ROR1: variants seen among roughly 807,000 people sequenced by gnomAD.
ROR1 encodes inactive tyrosine-protein kinase transmembrane receptor ROR1.
Under a neutral mutation model 78.8 loss-of-function variants are expected in ROR1, and 19 were observed. The ratio of observed to expected loss-of-function variants is 0.24; its 90% CI spans 0.17 to 0.35. The LOEUF (loss-of-function observed/expected upper bound fraction) is 0.35. Among genes scored for constraint, ROR1 ranks in the 10% least tolerant of loss-of-function variants. The pLI, the probability that ROR1 is intolerant of heterozygous loss-of-function variation, is 1.00. For missense variants in ROR1, 917 were observed against 1,177.8 expected (o/e 0.78, Z 3.24); for synonymous variants, 386 against 433.6 (o/e 0.89, Z 1.36).
intron 1 of ROR1, among the ~76,000 whole-genome samples, chr1:63,862,411 A>AAG (rs1335345272): frequency 6.6e-6 from 1 of 151,742 alleles, no homozygotes; most frequent in African/African-American, 2.4e-5. Context: ...AAAAAAAAAA[A>AAG]AAAGAAATAC....
chr1:63,822,862 A>G (rs1644931199), intron 1 of ROR1, among the ~76,000 whole-genome samples: 1 of 152,322 alleles, frequency 6.6e-6, no homozygotes, highest in Non-Finnish European at 1.5e-5. Flanking sequence ...TTTCTTGGCA[A>G]TAACCCTTTG....
At chr1:63,987,356 T>C (rs1394075995) in intron 1 of ROR1, among the ~76,000 whole-genome samples, 3 of 152,188 alleles carry the variant, frequency 2.0e-5, no homozygotes, top group Non-Finnish European at 2.9e-5. Flanking sequence ...TAAACAGCAA[T>C]TGTCTTTAAC....
rs190397455 is a variant in ROR1, at chr1:63,953,714, G to A, written c.92-55591G>A. ...CTGTAGGCAGAAAGTTGTTACTGTG[G>A]CAGCACAGATTTCCCACAGTAAGGG... On this transcript the variant is annotated intron_variant, in intron 1 of 8. Transcript: ENST00000371079. 2.0e-5 allele frequency among the ~76,000 whole-genome samples: 3 copies of A among 152,310 alleles called. No individual in the cohort carries two copies. The East Asian group carries it at 5.8e-4, about 29-fold the overall frequency.
chr1:63,979,614 G>A (rs966754928), intron 1 of ROR1, among the ~76,000 whole-genome samples: 1 of 152,102 alleles, frequency 6.6e-6, no homozygotes, highest in African/African-American at 2.4e-5. Flanking sequence ...GTCTTCTTTG[G>A]GTGTCCCTCA....
chr1:63,958,443 G>A (rs1259677158), intron 1 of ROR1, among the ~76,000 whole-genome samples: 1 of 152,116 alleles, frequency 6.6e-6, no homozygotes, highest in African/African-American at 2.4e-5. Flanking sequence ...TTCCCCAGGT[G>A]CATATGTCTT....
chr1:64,013,397 TTA>T (rs1441256382), intron 2 of ROR1, among the ~76,000 whole-genome samples: 1 of 152,166 alleles, frequency 6.6e-6, no homozygotes, highest in African/African-American at 2.4e-5. Flanking sequence ...CTGACTCTTC[TTA>T]TCTTACCTCC....
intron 4 of ROR1, among the ~76,000 whole-genome samples, chr1:64,134,773 G>T: frequency 6.9e-6 from 1 of 145,826 alleles, no homozygotes; most frequent in African/African-American, 2.6e-5. Flanking sequence ...TTTTGAGATG[G>T]AGTCTCACTC....
chr1:64,051,314 G>A (rs1029709085), intron 4 of ROR1, among the ~76,000 whole-genome samples: 1 of 151,750 alleles, frequency 6.6e-6, no homozygotes, highest in Non-Finnish European at 1.5e-5. Context: ...GCCGTGCGTC[G>A]TGGTGGGCGC....
intron 2 of ROR1, among the ~76,000 whole-genome samples, chr1:64,037,151 G>A (rs1646708986): frequency 6.6e-6 from 1 of 152,092 alleles, no homozygotes; most frequent in Non-Finnish European, 1.5e-5. Context: ...GTTCTCAGAG[G>A]TCCTGCCACA....
At chr1:64,014,738 C>CTATATAT (rs1456430703) in intron 2 of ROR1, among the ~76,000 whole-genome samples, 2 of 9,072 alleles carry the variant, frequency 2.2e-4, no homozygotes, top group African/African-American at 2.6e-4. Flanking sequence ...CACATACGCA[C>CTATATAT]ACTATATATA....
intron 2 of ROR1, among the ~76,000 whole-genome samples, chr1:64,043,567 G>A (rs1646761170): frequency 6.6e-6 from 1 of 152,176 alleles, no homozygotes; most frequent in African/African-American, 2.4e-5. Context: ...AACTAGTGGT[G>A]ATTTAGTTGT....
intron 4 of ROR1, among the ~76,000 whole-genome samples, chr1:64,080,072 T>C (rs1024074146): frequency 6.6e-6 from 1 of 152,288 alleles, no homozygotes; most frequent in Admixed American, 6.5e-5. Flanking sequence ...TTACCTGATT[T>C]GGAGTCCTCT....
intron 1 of ROR1, among the ~76,000 whole-genome samples, chr1:63,776,459 G>T (rs1055527541): frequency 5.3e-5 from 8 of 152,204 alleles, no homozygotes; most frequent in African/African-American, 1.9e-4. Context: ...GGGGGTCCAC[G>T]TGAGAGGGTC....
intron 1 of ROR1, among the ~76,000 whole-genome samples, chr1:63,956,289 G>A (rs1248218439): frequency 2.0e-5 from 3 of 152,166 alleles, no homozygotes; most frequent in African/African-American, 2.4e-5. Flanking sequence ...CAGCTGATCA[G>A]TCCCAGCAGA....
intron 1 of ROR1, among the ~76,000 whole-genome samples, chr1:63,920,104 A>G (rs991025492): frequency 6.6e-6 from 1 of 152,240 alleles, no homozygotes; most frequent in Non-Finnish European, 1.5e-5. Flanking sequence ...CAGTAAACCC[A>G]TAAATGCCAA....
chr1:64,100,407 G>C (rs1647481512), intron 4 of ROR1, among the ~76,000 whole-genome samples: 1 of 151,414 alleles, frequency 6.6e-6, no homozygotes, highest in Non-Finnish European at 1.5e-5. Context: ...AGGATCGCTT[G>C]AACCCAGGAG....
chr1:63,774,477 G>T lies in ROR1; in HGVS notation c.60G>T (p.Leu20=), dbSNP rs923420517. 8.6e-7 allele frequency: 1 copy of T among 1,159,388 alleles called. No individual in the cohort carries two copies. The highest frequency in any genetic ancestry group is 1.1e-6 in the Non-Finnish European group (1 of 946,196). The allele number at this position is 1,159,388 out of a possible 1,614,324, so 71.8% of individuals were successfully genotyped here. Residue 20 remains leucine (L), a synonymous_variant, in exon 1 of 9, where the codon CTG becomes CTT. Transcript: ENST00000371079. The surrounding 1 kb of genome is among the most constrained non-coding windows in gnomAD (Gnocchi z 5.7). The part of the protein sequence containing the change: ...RPPLLALLAA[L]LLAARGAAAQ... Reference sequence around the variant, plus strand: ...CGCTCCTGGCGCTGCTGGCCGCGCTGCTGCTGGCCGCACGCGGGGCTGCTG... The same window carrying T: ...CGCTCCTGGCGCTGCTGGCCGCGCTTCTGCTGGCCGCACGCGGGGCTGCTG...
At chr1:64,132,773 AAAAAAAAAAAAG>A (rs1322965113) in intron 4 of ROR1, among the ~76,000 whole-genome samples, 5 of 148,204 alleles carry the variant, frequency 3.4e-5, no homozygotes, top group South Asian at 2.1e-4. Context: ...AAAAAAAAAA[AAAAAAAAAAAAG>A]AGAGAGAGAT....
intron 8 of ROR1, among the ~76,000 whole-genome samples, chr1:64,171,727 C>T (rs1161927200): frequency 6.6e-6 from 1 of 152,156 alleles, no homozygotes; most frequent in African/African-American, 2.4e-5. Flanking sequence ...TCCCAGAGAA[C>T]CACCCTGGGC....
Sources: gnomAD v4.1 joint callset for allele counts (sites outside exome capture counted in the v4.1 genomes callset) on GRCh38, gnomAD v4.1.1 for gene constraint, Gnocchi (gnomAD v3.1) non-coding constraint, MANE v1.5 for transcripts, NCBI Gene and HGNC (gene_info 2026-07-23, HGNC 2026-07-21) for gene names.